NDUFAF6: variants seen among roughly 807,000 people sequenced by gnomAD.
NDUFAF6 encodes the protein NADH:ubiquinone oxidoreductase complex assembly factor 6.
NDUFAF6 carries 45 observed loss-of-function variants against 40.8 expected under a neutral mutation model. The observed-to-expected ratio is 1.10, with a 90% CI of 0.87 to 1.42. The LOEUF (loss-of-function observed/expected upper bound fraction) is 1.42, where lower values mean the gene tolerates loss of function less well. Ranked by LOEUF, NDUFAF6 falls within the 40% of genes most tolerant of loss-of-function variation. The probability of loss-of-function intolerance (pLI) is 0.00; values close to 1 mark genes in which losing one functional copy is unlikely to be tolerated. For missense variants in NDUFAF6, 435 were observed against 418.5 expected (o/e 1.04, Z -0.34); for synonymous variants, 185 against 155.9 (o/e 1.19, Z -1.39).
At chr8:94,913,340 T>TG (rs1261711125) in intron 1 of NDUFAF6, among the ~76,000 whole-genome samples, 10 of 152,196 alleles carry the variant, frequency 6.6e-5, no homozygotes, top group African/African-American at 2.4e-4. Context: ...TTTTTAATTA[T>TG]GAAAACTGCC....
chr8:94,932,355 G>T (rs1820492555), intron 1 of NDUFAF6, among the ~76,000 whole-genome samples: 1 of 152,178 alleles, frequency 6.6e-6, no homozygotes. Flanking sequence ...GTGCTTTATG[G>T]TAATATCCCC....
intron 2 of NDUFAF6, among the ~76,000 whole-genome samples, chr8:94,994,696 G>A (rs900474896): frequency 3.3e-5 from 5 of 152,092 alleles, no homozygotes; most frequent in African/African-American, 1.2e-4. Flanking sequence ...AGCCAGGCAT[G>A]ATGGCATGTA....
upstream of NDUFAF6, among the ~76,000 whole-genome samples, chr8:95,020,911 G>A (rs1827667727): frequency 6.6e-6 from 1 of 152,196 alleles, no homozygotes; most frequent in African/African-American, 2.4e-5. Context: ...GGAAGGAAGA[G>A]GTGTTTAATT....
intron 9 of NDUFAF6, chr8:95,072,800 C>T (rs1253688390): frequency 1.3e-5 from 2 of 154,640 alleles, no homozygotes. Flanking sequence ...AAAGTTCTAT[C>T]ATTGAAGGAG....
downstream of NDUFAF6, among the ~76,000 whole-genome samples, chr8:95,117,280 TG>T (rs1257620215): frequency 2.6e-5 from 4 of 152,098 alleles, no homozygotes; most frequent in African/African-American, 9.7e-5. Context: ...CTCTATTGAG[TG>T]TACTGGTAGA....
chr8:94,965,422 T>C (rs905611640), intron 1 of NDUFAF6, among the ~76,000 whole-genome samples: 1 of 152,180 alleles, frequency 6.6e-6, no homozygotes, highest in Non-Finnish European at 1.5e-5. Context: ...TTCTGGAATT[T>C]GGATTTTATT....
intron 1 of NDUFAF6, chr8:94,939,851 G>C: frequency 1.2e-6 from 2 of 1,605,588 alleles, no homozygotes; most frequent in Non-Finnish European, 1.7e-6. Flanking sequence ...TTAAATACTT[G>C]TAACGTACCT....
In NDUFAF6 at chr8:95,012,667, T is replaced by TAAATAAATAAATAAATAAATAAAC. The variant is rs753278652; in HGVS notation, c.-83-19325_-83-19324insTAAATAAATAAATAAATAAACAAA. ...TAAAATAAATAAATAAATAAATAAA[T>TAAATAAATAAATAAATAAATAAAC]AAACAAATAAAAATTAGCCAGGTAT... On this transcript the variant is annotated intron_variant, in intron 2 of 9. Coordinates refer to the NDUFAF6 transcript ENST00000396111. Among the ~76,000 whole-genome samples the TAAATAAATAAATAAATAAATAAAC allele has an allele frequency of 7.0e-3, 1,053 of 150,488 alleles. 2 individuals carry two copies. The highest frequency in any genetic ancestry group is 0.014 in the Middle Eastern group (4 of 294).
Position 94,940,029 on chromosome 8 carries a change from G to A in NDUFAF6, c.-935-5454G>A. 1.2e-6 allele frequency: 2 copies of A among 1,614,166 alleles called. No homozygotes were observed. The highest frequency in any genetic ancestry group is 1.7e-6 in the Non-Finnish European group (2 of 1,180,020). On this transcript the variant is annotated intron_variant, in intron 1 of 14. Coordinates refer to the NDUFAF6 transcript ENST00000396113. ...GTTAATCCACCTGCAGTAAAACATG[G>A]GGGTGGGGTGATAAACCAGCTCTCC...
chr8:94,911,553 C>G (rs1818780490), intron 1 of NDUFAF6, among the ~76,000 whole-genome samples: 1 of 152,218 alleles, frequency 6.6e-6, no homozygotes, highest in African/African-American at 2.4e-5. Flanking sequence ...ATTAGTGTCT[C>G]CACAAAGATC....
At chr8:95,068,251 A>G (rs185734896) in intron 9 of NDUFAF6, 1 of 151,922 alleles carries the variant, frequency 6.6e-6, no homozygotes. Context: ...ATGTTTATAC[A>G]TAATGTCCAG....
rs2131806489 is a variant in NDUFAF6, at chr8:95,035,435, T to G, written c.298-19T>G. 5 of 1,613,378 alleles carry G rather than the reference T, an allele frequency of 3.1e-6. No individual in the cohort carries two copies. In the East Asian group the frequency reaches 1.1e-4, roughly 36 times the overall value. On this transcript the variant is annotated intron_variant, in intron 2 of 8. Transcript: ENST00000396124. ...CAGTAGACAATGCATTTGCTAAAGT[T>G]TTTAAACCCTGTTTATAGGTTAAAG...
At chr8:94,896,095 T>G (rs1289504347) in intron 1 of NDUFAF6, among the ~76,000 whole-genome samples, 2 of 152,080 alleles carry the variant, frequency 1.3e-5, no homozygotes, top group Non-Finnish European at 2.9e-5. Context: ...CTCCCTTGCT[T>G]CCTCTCTTCT....
intron 4 of NDUFAF6, among the ~76,000 whole-genome samples, chr8:95,109,115 C>T (rs1318465555): frequency 1.3e-5 from 2 of 152,074 alleles, no homozygotes; most frequent in Non-Finnish European, 2.9e-5. Flanking sequence ...GGATTTTTCC[C>T]AGCTCCAAGC....
upstream of NDUFAF6, among the ~76,000 whole-genome samples, chr8:95,096,433 T>G (rs1366618869): frequency 1.3e-5 from 2 of 152,228 alleles, no homozygotes; most frequent in African/African-American, 4.8e-5. Flanking sequence ...ACCTTCGGGT[T>G]TTGTAAACAA....
chr8:95,016,588 A>G (rs542182043), intron 2 of NDUFAF6, among the ~76,000 whole-genome samples: 2 of 152,294 alleles, frequency 1.3e-5, no homozygotes, highest in Admixed American at 6.5e-5. Flanking sequence ...CTAAAAATAC[A>G]AAAATTAGCT....
downstream of NDUFAF6, among the ~76,000 whole-genome samples, chr8:95,062,418 C>T (rs1261207683): frequency 6.6e-6 from 1 of 152,106 alleles, no homozygotes; most frequent in Admixed American, 6.5e-5. Context: ...AGACTGGAAG[C>T]CTGAACCAAA....
intron 1 of NDUFAF6, among the ~76,000 whole-genome samples, chr8:94,978,655 A>G (rs944642916): frequency 2.0e-5 from 3 of 152,076 alleles, no homozygotes; most frequent in Admixed American, 1.3e-4. Context: ...TCGAGGCTGC[A>G]GTGAACCATA....
intron 1 of NDUFAF6, among the ~76,000 whole-genome samples, chr8:94,966,311 C>T (rs183555135): frequency 7.2e-5 from 11 of 152,206 alleles, no homozygotes; most frequent in East Asian, 1.9e-4. Context: ...ACAGGAAGGA[C>T]GGCCAGGCAT....
Sources: gnomAD v4.1 joint callset for allele counts (sites outside exome capture counted in the v4.1 genomes callset) on GRCh38, gnomAD v4.1.1 for gene constraint, MANE v1.5 for transcripts, NCBI Gene and HGNC (gene_info 2026-07-23, HGNC 2026-07-21) for gene names.